DYNC2H1: variants seen among roughly 807,000 people sequenced by gnomAD.
DYNC2H1 encodes dynein cytoplasmic 2 heavy chain 1, also known as cytoplasmic dynein 2 heavy chain 1.
A neutral mutation model predicts 570.0 loss-of-function variants in DYNC2H1; 410 were observed. That is an observed-to-expected ratio of 0.72 (90% CI 0.66 to 0.78). DYNC2H1 has a LOEUF of 0.78. Ranked by LOEUF, DYNC2H1 falls within the 30% of genes least tolerant of loss-of-function variation. The pLI is 0.00. For synonymous variants in DYNC2H1, 1,688 were observed against 1,677.6 expected (o/e 1.01, Z -0.15); for missense variants, 4,865 against 5,046.4 (o/e 0.96, Z 1.09).
rs767137473 is a variant in DYNC2H1, at chr11:103,189,678, A to G, written c.7299A>G (p.Pro2433=). ...SIVRLCSIDY[P]EREQLQTIYG... is the part of the protein sequence containing the mutation. ...TATATGCCATTTTTTTTAGTTACCC[A>G]GAAAGAGAGCAGTTACAAACGATTT... Residue 2433 remains proline (P), a synonymous_variant, in exon 45 of 89, where the codon CCA becomes CCG. Transcript: ENST00000375735. The surrounding 1 kb of genome is among the most constrained non-coding windows in gnomAD (Gnocchi z 4.3). 6.2e-7 allele frequency: 1 copy of G among 1,612,414 alleles called. No homozygotes were observed. Among genetic ancestry groups the G allele is most frequent in the South Asian group, 1.1e-5 (1 of 90,934 alleles).
chr11:103,130,092 T>C (rs1324245954), intron 13 of DYNC2H1, among the ~76,000 whole-genome samples: 2 of 152,212 alleles, frequency 1.3e-5, no homozygotes, highest in African/African-American at 4.8e-5. Flanking sequence ...GGTGTACTTA[T>C]TTTTTGCAGC....
chr11:103,304,721 G>A lies in DYNC2H1; in HGVS notation c.11382+1G>A. The A allele has an allele frequency of 6.2e-7, 1 of 1,609,454 alleles. No homozygotes were observed. Among genetic ancestry groups the A allele is most frequent in the East Asian group, 2.2e-5 (1 of 44,680 alleles). Reference sequence around the variant, plus strand: ...ATCTTGGCTGCCAGTTCTGGAAAAGGTAGATTCAGATAAATGTACAAATAA... The same window carrying A: ...ATCTTGGCTGCCAGTTCTGGAAAAGATAGATTCAGATAAATGTACAAATAA... On this transcript the variant is annotated splice_donor_variant, in intron 77 of 88. Transcript: ENST00000375735. LOFTEE classifies it high-confidence loss of function.
At chr11:103,452,461 T>G (rs1182923049) in intron 85 of DYNC2H1, among the ~76,000 whole-genome samples, 1 of 152,050 alleles carries the variant, frequency 6.6e-6, no homozygotes, top group Admixed American at 6.5e-5. Flanking sequence ...CTGATTTCAT[T>G]GCTTATAGCC....
chr11:103,352,633 C>T (rs2671343), intron 82 of DYNC2H1, among the ~76,000 whole-genome samples: 83,316 of 151,924 alleles, frequency 0.55, 24,714 homozygotes, highest in Admixed American at 0.66. Context: ...TGGCCTAATA[C>T]GTGGCTGATG....
At chr11:103,330,818 G>A (rs1938746578) in intron 82 of DYNC2H1, among the ~76,000 whole-genome samples, 1 of 152,064 alleles carries the variant, frequency 6.6e-6, no homozygotes, top group African/African-American at 2.4e-5. Context: ...AGCAGAGTCA[G>A]ACACTGAGAC....
intron 88 of DYNC2H1, among the ~76,000 whole-genome samples, chr11:103,473,152 G>A (rs1008390806): frequency 3.9e-5 from 6 of 152,084 alleles, no homozygotes; most frequent in Non-Finnish European, 7.3e-5. Context: ...AACAAGATTG[G>A]AATGATGAAT....
chr11:103,148,739 T>A, intron 20 of DYNC2H1, 122 bp downstream of exon 20: 1 of 1,230,172 alleles, frequency 8.1e-7, no homozygotes, highest in Non-Finnish European at 1.1e-6. Context: ...AGGTCCACAA[T>A]AGTCTGGCTT....
At chr11:103,417,136 G>C (rs968116275) in intron 84 of DYNC2H1, among the ~76,000 whole-genome samples, 3 of 152,160 alleles carry the variant, frequency 2.0e-5, no homozygotes, top group East Asian at 3.9e-4. Flanking sequence ...CTGGAGTACA[G>C]TGGCACAATC....
intron 79 of DYNC2H1, among the ~76,000 whole-genome samples, chr11:103,312,556 A>C (rs867451373): frequency 5.4e-4 from 72 of 133,780 alleles, no homozygotes; most frequent in Admixed American, 1.3e-3. Context: ...AAAAAAAAAA[A>C]AAAAAAAAAA....
At chr11:103,223,751 A>ATT (rs58624728) in intron 59 of DYNC2H1, among the ~76,000 whole-genome samples, 3,034 of 143,600 alleles carry the variant, frequency 0.021, 98 homozygotes, top group African/African-American at 0.07. Context: ...TTATTTATTG[A>ATT]TTTTTTTTTT....
chr11:103,246,441 G>T (rs142775891), intron 65 of DYNC2H1, among the ~76,000 whole-genome samples: 90 of 152,184 alleles, frequency 5.9e-4, no homozygotes, highest in Non-Finnish European at 1.3e-3. Context: ...TTAATGGTAT[G>T]TGTGGCATTG....
chr11:103,253,341 C>A lies in DYNC2H1; in HGVS notation c.10099C>A (p.Arg3367Ser), dbSNP rs200710887. The change falls in exon 66 of 89, where the codon CGC (arginine) becomes AGC (serine). Residue 3367 changes from arginine to serine, a missense_variant. By Grantham distance (110) the Arg-to-Ser change is moderately radical (BLOSUM62 -1). Transcript: ENST00000375735. ...AATTATTGACTACAATGAAGAATTC[C>A]GCCTCTTTTTGTCAACAAGAAACCC... ...DKIIDYNEEF[R>S]LFLSTRNPNP... The A allele has an allele frequency of 3.5e-5, 57 of 1,613,026 alleles. No homozygotes were observed. The highest frequency in any genetic ancestry group is 3.6e-5 in the Non-Finnish European group (42 of 1,179,382).
chr11:103,421,089 C>G (rs1943470938), intron 84 of DYNC2H1, among the ~76,000 whole-genome samples: 1 of 151,822 alleles, frequency 6.6e-6, no homozygotes, highest in African/African-American at 2.4e-5. Flanking sequence ...TAGTTTCTGA[C>G]AAAACAGACT....
At chr11:103,418,498 T>C (rs1308145070) in intron 84 of DYNC2H1, among the ~76,000 whole-genome samples, 1 of 152,158 alleles carries the variant, frequency 6.6e-6, no homozygotes, top group African/African-American at 2.4e-5. Flanking sequence ...AAAGATGCAT[T>C]GAAAGATGTA....
chr11:103,424,507 T>A (rs1047091460), intron 84 of DYNC2H1, among the ~76,000 whole-genome samples: 4 of 152,170 alleles, frequency 2.6e-5, no homozygotes, highest in African/African-American at 9.7e-5. Flanking sequence ...AATACTTATT[T>A]GTGAATGTTC....
intron 75 of DYNC2H1, among the ~76,000 whole-genome samples, chr11:103,290,944 A>G (rs1866570014): frequency 6.6e-6 from 1 of 152,208 alleles, no homozygotes; most frequent in South Asian, 2.1e-4. Flanking sequence ...TTTAGGTTAC[A>G]TATCCACCTC....
At position 103,117,740 on chromosome 11, in the gene DYNC2H1, A is replaced by C; in HGVS notation, c.876A>C (p.Glu292Asp). 1 of 1,613,396 alleles carries C rather than the reference A, an allele frequency of 6.2e-7. No homozygotes were observed. The highest frequency in any genetic ancestry group is 8.5e-7 in the Non-Finnish European group (1 of 1,179,514). ...TGAAAGCTGGTATTTCAATTTGTGA[A>C]CAGTGGGTGATAGTCTGTAATCATC... The part of the protein sequence containing the change: ...ESLKAGISIC[E>D]QWVIVCNHLT... Residue 292 changes from glutamate (E) to aspartate (D), a missense_variant, in exon 6 of 89, where the codon GAA becomes GAC. Coordinates refer to ENST00000375735, the MANE Select transcript of DYNC2H1 (RefSeq NM_001377.3).
At chr11:103,144,651 T>G (rs549886388) in intron 18 of DYNC2H1, among the ~76,000 whole-genome samples, 16 of 152,214 alleles carry the variant, frequency 1.1e-4, no homozygotes, top group African/African-American at 3.9e-4. Flanking sequence ...TGGAAAGGTG[T>G]AGATAAGGTA....
intron 84 of DYNC2H1, among the ~76,000 whole-genome samples, chr11:103,420,509 A>G (rs1304086184): frequency 3.9e-5 from 6 of 152,214 alleles, no homozygotes; most frequent in Non-Finnish European, 8.8e-5. Flanking sequence ...AGGGAAGCCC[A>G]TCAGACTAAC....
Sources: allele counts gnomAD v4.1 joint callset (sites outside exome capture counted in the v4.1 genomes callset), GRCh38; gene constraint gnomAD v4.1.1; non-coding constraint Gnocchi (gnomAD v3.1); transcripts MANE v1.5; gene names NCBI Gene and HGNC (gene_info 2026-07-23, HGNC 2026-07-21).